QSER1: variants seen among roughly 807,000 people sequenced by gnomAD.
QSER1 encodes glutamine and serine-rich protein 1.
A neutral mutation model predicts 158.5 loss-of-function variants in QSER1; 49 were observed. The ratio of observed to expected loss-of-function variants is 0.31; its 90% CI spans 0.25 to 0.39. The LOEUF (loss-of-function observed/expected upper bound fraction) is 0.39. QSER1 is among the 10% of genes least tolerant of loss of function. QSER1 has a pLI of 1.00. For missense variants in QSER1, 1,754 were observed against 2,010.3 expected, an observed-to-expected ratio of 0.87 and a Z score of 2.44; for synonymous variants, 650 against 715.5, an observed-to-expected ratio of 0.91 and a Z score of 1.46.
intron 1 of QSER1, among the ~76,000 whole-genome samples, chr11:32,923,474 G>T (rs1006118035): frequency 4.0e-5 from 6 of 150,638 alleles, no homozygotes; most frequent in African/African-American, 1.5e-4. Context: ...AGGAGTTTAA[G>T]ACCAGCCTGA....
chr11:32,973,905 A>C (rs1852919525), intron 11 of QSER1, among the ~76,000 whole-genome samples: 1 of 152,226 alleles, frequency 6.6e-6, no homozygotes, highest in Admixed American at 6.5e-5. Context: ...TGGCTAATTC[A>C]AACTCATTAA....
chr11:32,969,595 T>C (rs1032428068), intron 10 of QSER1, among the ~76,000 whole-genome samples: 5 of 152,070 alleles, frequency 3.3e-5, no homozygotes, highest in South Asian at 2.1e-4. Context: ...ATCAGAAATA[T>C]AGAAAAAGCT....
At chr11:32,974,579 G>A (rs961064930) in intron 11 of QSER1, among the ~76,000 whole-genome samples, 4 of 152,152 alleles carry the variant, frequency 2.6e-5, no homozygotes, top group Admixed American at 2.0e-4. Context: ...GTCATACTAC[G>A]TGCTTTTTAT....
intron 8 of QSER1, among the ~76,000 whole-genome samples, chr11:32,964,777 C>T (rs1162923058): frequency 1.4e-5 from 2 of 144,166 alleles, no homozygotes; most frequent in Admixed American, 1.4e-4. Flanking sequence ...CACACACACA[C>T]ACACATACAC....
In QSER1 at chr11:32,932,778, T is replaced by C. The variant is rs1455639521; in HGVS notation, c.1520T>C (p.Phe507Ser). The change falls in exon 4 of 13, where the codon TTT becomes TCT. Residue 507 changes from phenylalanine (F) to serine (S), a missense_variant. By Grantham distance (155) the Phe-to-Ser change is radical. Transcript: ENST00000650167. ...KLPPLYKTLT[F>S]SGSSQTVTPE... ...CCACCCTTGTATAAAACATTGACTTTTTCTGGGTCATCTCAGACTGTAACT... is the reference window on the plus strand; with the variant it reads ...CCACCCTTGTATAAAACATTGACTTCTTCTGGGTCATCTCAGACTGTAACT... 4 of 1,614,076 alleles carry C rather than the reference T, an allele frequency of 2.5e-6. No homozygotes were observed. The highest frequency in any genetic ancestry group is 3.4e-6 in the Non-Finnish European group (4 of 1,180,004).
At chr11:32,952,561 T>G (rs1852440577) in intron 4 of QSER1, among the ~76,000 whole-genome samples, 1 of 152,118 alleles carries the variant, frequency 6.6e-6, no homozygotes. Context: ...TAGTCTATAG[T>G]TTTCTCATGC....
At chr11:32,910,508 G>A (rs1052629075) in intron 1 of QSER1, among the ~76,000 whole-genome samples, 1 of 152,146 alleles carries the variant, frequency 6.6e-6, no homozygotes, top group Non-Finnish European at 1.5e-5. Flanking sequence ...CTAGACACTT[G>A]TATGCGGTTT....
At position 32,934,573 on chromosome 11, in the gene QSER1, A is replaced by G; in HGVS notation, c.3315A>G (p.Pro1105=). 1 of 1,613,560 alleles carries G rather than the reference A, an allele frequency of 6.2e-7. No homozygotes were observed. The highest frequency in any genetic ancestry group is 1.1e-5 in the South Asian group (1 of 91,054). The part of the protein sequence containing the change: ...SHEVQEQSSG[P]FKKQSATNLE... ...AAGTCCAGGAGCAAAGTTCTGGCCC[A>G]TTCAAGAAACAGTCTGCTACCAATC... The change falls in exon 4 of 13, where the codon CCA becomes CCG. Residue 1105 remains proline, a synonymous_variant. Coordinates refer to ENST00000650167, the MANE Select transcript of QSER1 (RefSeq NM_001076786.3).
At chr11:32,900,519 A>T (rs1424222533) in intron 1 of QSER1, among the ~76,000 whole-genome samples, 1 of 151,992 alleles carries the variant, frequency 6.6e-6, no homozygotes, top group Non-Finnish European at 1.5e-5. Flanking sequence ...AGATCACACC[A>T]CTGCACTCCA....
intron 4 of QSER1, among the ~76,000 whole-genome samples, chr11:32,942,703 C>G (rs1430429306): frequency 6.6e-6 from 1 of 152,186 alleles, no homozygotes; most frequent in Non-Finnish European, 1.5e-5. Context: ...TTAGGATTAT[C>G]TTGGCAATGC....
chr11:32,973,309 G>GCA (rs1169929139), intron 10 of QSER1, 88 bp from the exon 11 acceptor site: 1 of 1,383,522 alleles, frequency 7.2e-7, no homozygotes, highest in African/African-American at 1.4e-5. Flanking sequence ...GTGTTTGTGT[G>GCA]CACACACACT....
At position 32,964,733 on chromosome 11, in the gene QSER1, TATATATACACACACAC is replaced by T. The variant is rs1162300060; in HGVS notation, c.4970-1565_4970-1550del. ...AAAAAACACCATATATATATATATA[TATATATACACACACAC>T]ACACACACACACACACACACACACA... On this transcript the variant is annotated intron_variant, in intron 8 of 12. Coordinates refer to ENST00000650167, the MANE Select transcript of QSER1 (RefSeq NM_001076786.3). Among the ~76,000 whole-genome samples the T allele has an allele frequency of 2.2e-3, 255 of 115,276 alleles. 8 individuals carry two copies. Among genetic ancestry groups the T allele is most frequent in the African/African-American group, 7.9e-3 (246 of 31,042 alleles). 75.6% of individuals were successfully genotyped at this position (115,276 alleles called of 152,430 possible).
intron 11 of QSER1, among the ~76,000 whole-genome samples, 154 bp downstream of exon 11, chr11:32,973,703 G>C (rs751314393): frequency 6.6e-6 from 1 of 152,184 alleles, no homozygotes; most frequent in Non-Finnish European, 1.5e-5. Flanking sequence ...TGAGGAACAG[G>C]GACGCATGGT....
chr11:32,896,235 T>G (rs534297959), intron 1 of QSER1, among the ~76,000 whole-genome samples: 1 of 152,316 alleles, frequency 6.6e-6, no homozygotes, highest in South Asian at 2.1e-4. Context: ...TACTTATATC[T>G]TGGTCACAAC....
chr11:32,925,730 G>A (rs1590726934), intron 1 of QSER1, among the ~76,000 whole-genome samples: 2 of 151,986 alleles, frequency 1.3e-5, no homozygotes, highest in South Asian at 2.1e-4. Flanking sequence ...GTTTTGCCAT[G>A]TTGGCCAGGC....
chr11:32,922,306 T>C (rs1851908512), intron 1 of QSER1, among the ~76,000 whole-genome samples: 1 of 152,068 alleles, frequency 6.6e-6, no homozygotes, highest in Non-Finnish European at 1.5e-5. Flanking sequence ...GGAGAAAATA[T>C]TTGCAAAACA....
intron 1 of QSER1, among the ~76,000 whole-genome samples, chr11:32,899,344 G>A (rs1344694109): frequency 6.6e-6 from 1 of 152,190 alleles, no homozygotes. Context: ...GGACCAAGAT[G>A]AAGGGTAAGT....
chr11:32,913,338 G>A (rs141752159), intron 1 of QSER1, among the ~76,000 whole-genome samples: 7,714 of 151,424 alleles, frequency 0.051, 649 homozygotes, highest in African/African-American at 0.18. Context: ...CTACAGGTGC[G>A]CGCCACCATG....
chr11:32,933,986 C>T lies in QSER1; in HGVS notation c.2728C>T (p.His910Tyr). The T allele has an allele frequency of 6.2e-7, 1 of 1,613,784 alleles. No homozygotes were observed. Among genetic ancestry groups the T allele is most frequent in the Non-Finnish European group, 8.5e-7 (1 of 1,179,904 alleles). Reference protein sequence around the residue: ...EGHVIQSNGDHSQQQLHPQNS... With the variant: ...EGHVIQSNGDYSQQQLHPQNS... ...TCATGTTATTCAAAGCAATGGTGATCATTCTCAGCAGCAACTCCATCCTCA... is the reference window on the plus strand; with the variant it reads ...TCATGTTATTCAAAGCAATGGTGATTATTCTCAGCAGCAACTCCATCCTCA... Residue 910 changes from histidine (H) to tyrosine (Y), a missense_variant, in exon 4 of 13, where the codon CAT becomes TAT. Physicochemically the swap from His to Tyr is moderately conservative, Grantham distance 83. Around this residue, in one of 2 missense-constraint regions of QSER1, gnomAD observed 1,707 missense variants for 1,919.6 expected, o/e 0.89. Coordinates refer to ENST00000650167, the MANE Select transcript of QSER1 (RefSeq NM_001076786.3).
Sources: allele counts gnomAD v4.1 joint callset (sites outside exome capture counted in the v4.1 genomes callset), GRCh38; gene constraint gnomAD v4.1.1; regional missense constraint gnomAD v4.1.1; transcripts MANE v1.5; gene names NCBI Gene and HGNC (gene_info 2026-07-23, HGNC 2026-07-21).